Variants in ARVCF observed in about 807,000 individuals in gnomAD.
ARVCF encodes the protein splicing regulator ARVCF.
Under a neutral mutation model 90.9 loss-of-function variants are expected in ARVCF, and 66 were observed. That is an observed-to-expected ratio of 0.73 (90% confidence interval 0.60 to 0.89). The LOEUF is 0.89. ARVCF is among the 40% of genes least tolerant of loss of function. ARVCF has a pLI of 0.00. For synonymous variants in ARVCF, 653 were observed against 603.4 expected (o/e 1.08, Z -1.21); for missense variants, 1,469 against 1,382.3 (o/e 1.06, Z -1.00).
downstream of ARVCF, chr22:19,967,067 G>C: frequency 1.6e-6 from 2 of 1,221,330 alleles, no homozygotes; most frequent in Non-Finnish European, 2.1e-6. Flanking sequence ...TTCCCCTCTT[G>C]ACCAGTTTCG....
At chr22:19,982,474 G>C (rs570915478) in intron 3 of ARVCF, among the ~76,000 whole-genome samples, 2 of 152,124 alleles carry the variant, frequency 1.3e-5, no homozygotes. Flanking sequence ...CCCAGGAGGT[G>C]CCAGTGAGAC....
intron 2 of ARVCF, among the ~76,000 whole-genome samples, chr22:19,995,654 C>T (rs539130913): frequency 2.0e-5 from 3 of 152,124 alleles, no homozygotes; most frequent in Admixed American, 1.3e-4. Flanking sequence ...TTATGGGGCC[C>T]GAGTCCAGTG....
intron 1 of ARVCF, among the ~76,000 whole-genome samples, chr22:20,013,619 C>A (rs1453328858): frequency 6.6e-6 from 1 of 152,232 alleles, no homozygotes; most frequent in Non-Finnish European, 1.5e-5. Flanking sequence ...CTCAGCTCCC[C>A]GTTGCTCTGC....
chr22:19,971,413 G>A, intron 18 of ARVCF, 78 bp from the exon 19 acceptor site: 1 of 1,466,324 alleles, frequency 6.8e-7, no homozygotes, highest in African/African-American at 1.4e-5. Context: ...GCAGGGGCAG[G>A]GCCGAGGCTG....
intron 2 of ARVCF, among the ~76,000 whole-genome samples, chr22:20,006,000 G>C (rs1398672739): frequency 1.3e-5 from 2 of 152,144 alleles, no homozygotes; most frequent in Non-Finnish European, 2.9e-5. Context: ...ATGATACTAA[G>C]TGAAATAAGC....
intron 1 of ARVCF, among the ~76,000 whole-genome samples, chr22:20,012,089 C>CCCA (rs1555954557): frequency 2.1e-5 from 3 of 144,120 alleles, no homozygotes; most frequent in Non-Finnish European, 3.1e-5. Flanking sequence ...TCCCCCCCCC[C>CCCA]CACCCAGTTG....
In ARVCF at chr22:19,982,004, G is replaced by T; in HGVS notation, c.298C>A (p.Pro100Thr). Residue 100 changes from proline (P) to threonine (T), a missense_variant, in exon 4 of 20, where the codon CCC becomes ACC. Physicochemically the swap from Pro to Thr is conservative, Grantham distance 38. Coordinates refer to ENST00000263207, the MANE Select transcript of ARVCF (RefSeq NM_001670.3). The stretch of plus-strand genomic sequence containing the variant: ...GACACATGGGAAGTGGGTGTGCCGG[G>T]GTCCTCCTCCACCGTCACGGTCTCC... ...LEETVTVEED[P>T]GTPTSHVSIV... 1 of 1,613,126 alleles carries T rather than the reference G, an allele frequency of 6.2e-7. No individual in the cohort carries two copies. The highest frequency in any genetic ancestry group is 8.5e-7 in the Non-Finnish European group (1 of 1,179,982).
downstream of ARVCF, chr22:19,968,587 T>C (rs1228670109): frequency 6.2e-7 from 1 of 1,614,116 alleles, no homozygotes. Flanking sequence ...CAACGTGATC[T>C]GCCCAGGTGC....
intron 6 of ARVCF, chr22:19,979,405 C>G (rs1479935189): frequency 7.7e-6 from 4 of 517,948 alleles, no homozygotes; most frequent in Non-Finnish European, 1.4e-5. Context: ...TCCCTCAGCT[C>G]TCACAAGGCA....
rs756242656 is a variant in ARVCF, at chr22:19,973,233, G to C, written c.2324C>G (p.Thr775Ser). 1 of 1,610,736 alleles carries C rather than the reference G, an allele frequency of 6.2e-7. No individual in the cohort carries two copies. Among genetic ancestry groups the C allele is most frequent in the Non-Finnish European group, 8.5e-7 (1 of 1,179,218 alleles). Residue 775 changes from threonine (T) to serine (S), a missense_variant, in exon 14 of 20, where the codon ACC (threonine) becomes AGC (serine). By Grantham distance (58) the Thr-to-Ser change is moderately conservative (BLOSUM62 1). Coordinates refer to ENST00000263207, the MANE Select transcript of ARVCF (RefSeq NM_001670.3). ...GATGGTGTTGAGCACCGCCACCACG[G>C]TGTCTTCCTCCAGGCAGGCCCCCGG... is the stretch of plus-strand genomic sequence containing the variant. ...PRPGACLEED[T>S]VVAVLNTIHE...
chr22:20,001,770 C>T (rs1944453798), intron 2 of ARVCF, among the ~76,000 whole-genome samples: 1 of 151,606 alleles, frequency 6.6e-6, no homozygotes, highest in Non-Finnish European at 1.5e-5. Flanking sequence ...CCAGCCTGGG[C>T]AACAAAAGCA....
chr22:19,971,496 C>T (rs543066865), intron 18 of ARVCF, among the ~76,000 whole-genome samples, 161 bp from the exon 19 acceptor site: 4 of 152,284 alleles, frequency 2.6e-5, no homozygotes, highest in Non-Finnish European at 5.9e-5. Context: ...ACGTGTGGCT[C>T]ACACGGGCCC....
chr22:20,013,248 A>C (rs114690707), intron 1 of ARVCF, among the ~76,000 whole-genome samples: 2,115 of 152,340 alleles, frequency 0.014, 56 homozygotes, highest in African/African-American at 0.049. Flanking sequence ...TCTGCTGTGG[A>C]CATTGAGGCA....
At chr22:19,982,866 T>C (rs1288657996) in intron 3 of ARVCF, among the ~76,000 whole-genome samples, 5 of 152,222 alleles carry the variant, frequency 3.3e-5, no homozygotes, top group African/African-American at 1.2e-4. Flanking sequence ...TTTGAGCCTA[T>C]GGGTGCCCTT....
At chr22:19,989,525 A>G (rs990968528) in intron 3 of ARVCF, among the ~76,000 whole-genome samples, 1 of 152,110 alleles carries the variant, frequency 6.6e-6, no homozygotes, top group African/African-American at 2.4e-5. Context: ...AACAGAGACC[A>G]GCGTTTGCTC....
chr22:19,981,887 G>A (rs1943524274), intron 4 of ARVCF, 46 bp downstream of exon 4: 39 of 1,598,162 alleles, frequency 2.4e-5, no homozygotes, highest in Non-Finnish European at 3.3e-5. Flanking sequence ...GACAGCTGCA[G>A]CAGCCTGGCC....
intron 6 of ARVCF, 38 bp from the exon 7 acceptor site, chr22:19,979,118 G>A: frequency 6.3e-7 from 1 of 1,584,496 alleles, no homozygotes; most frequent in Non-Finnish European, 8.6e-7. Context: ...CTGACCATAT[G>A]CACCGCCTGC....
At chr22:19,985,560 T>C (rs537620986) in intron 3 of ARVCF, among the ~76,000 whole-genome samples, 1 of 152,364 alleles carries the variant, frequency 6.6e-6, no homozygotes, top group Admixed American at 6.5e-5. Flanking sequence ...TCGTGGGACG[T>C]GCTGGGTAGC....
chr22:19,996,446 T>C (rs1023235197), intron 2 of ARVCF, among the ~76,000 whole-genome samples: 6 of 152,216 alleles, frequency 3.9e-5, no homozygotes, highest in Admixed American at 3.9e-4. Context: ...GACTCCAGCA[T>C]GGTGAGGCTG....
Sources: allele counts gnomAD v4.1 joint callset (sites outside exome capture counted in the v4.1 genomes callset), GRCh38; gene constraint gnomAD v4.1.1; transcripts MANE v1.5; gene names NCBI Gene and HGNC (gene_info 2026-07-23, HGNC 2026-07-21).